The following SLC26A5 variants were observed in gnomAD, a reference collection of about 807,000 sequenced individuals.
SLC26A5 encodes prestin.
A neutral mutation model predicts 81.0 loss-of-function variants in SLC26A5; 51 were observed. The observed-to-expected ratio is 0.63, with a 90% confidence interval of 0.50 to 0.80. The LOEUF is 0.80. Ranked by LOEUF, SLC26A5 falls within the 30% of genes least tolerant of loss-of-function variation. The pLI is 0.00. For synonymous variants in SLC26A5, 325 were observed against 332.8 expected (o/e 0.98, Z 0.25); for missense variants, 771 against 905.8 (o/e 0.85, Z 1.91).
intron 9 of SLC26A5, among the ~76,000 whole-genome samples, chr7:103,397,410 G>A (rs571312447): frequency 2.9e-4 from 44 of 151,640 alleles, no homozygotes; most frequent in East Asian, 1.4e-3. Flanking sequence ...GCGTGGTGGC[G>A]GGTGCCTGTA....
At position 103,445,600 on chromosome 7, in the gene SLC26A5, G is replaced by T. The variant is rs536794023; in HGVS notation, c.-183+498C>A. 59 of 152,392 alleles carry T rather than the reference G, an allele frequency of 3.9e-4. 1 individual carries two copies. The highest frequency in any genetic ancestry group is 1.4e-3 in the African/African-American group (57 of 41,566). 9.4% of individuals were successfully genotyped at this position (152,392 alleles called of 1,614,324 possible). ...CGCTGAGCGGAGGGCCCAGTTTCGG[G>T]ACCACAGCCTTGCTCCCTGGGAGCT... On this transcript the variant is annotated intron_variant, in intron 1 of 19. Transcript: ENST00000306312.
intron 8 of SLC26A5, among the ~76,000 whole-genome samples, chr7:103,398,732 C>T (rs1366938270): frequency 1.3e-5 from 2 of 152,076 alleles, no homozygotes; most frequent in African/African-American, 2.4e-5. Flanking sequence ...GAGTGAGTTA[C>T]CCAACAGAGA....
intron 18 of SLC26A5, 97 bp downstream of exon 18, chr7:103,377,502 T>C: frequency 8.6e-7 from 1 of 1,158,238 alleles, no homozygotes; most frequent in Non-Finnish European, 1.3e-6. Flanking sequence ...GGATAAATCT[T>C]TTGTTGAAAA....
At chr7:103,414,793 G>T (rs539341405) in intron 4 of SLC26A5, among the ~76,000 whole-genome samples, 1 of 152,286 alleles carries the variant, frequency 6.6e-6, no homozygotes, top group Admixed American at 6.5e-5. Flanking sequence ...TTTCATGCAA[G>T]AATTAGGCAG....
intron 2 of SLC26A5, among the ~76,000 whole-genome samples, chr7:103,425,672 A>C (rs950496818): frequency 1.3e-5 from 2 of 152,322 alleles, no homozygotes; most frequent in South Asian, 2.1e-4. Context: ...AATTGCCATA[A>C]GATGCTTACT....
chr7:103,398,801 A>C (rs1406911481), intron 8 of SLC26A5, among the ~76,000 whole-genome samples: 1 of 152,202 alleles, frequency 6.6e-6, no homozygotes, highest in Non-Finnish European at 1.5e-5. Flanking sequence ...CCACTGCAGG[A>C]AACAAATAAT....
chr7:103,385,536 C>T (rs920367785), intron 14 of SLC26A5, among the ~76,000 whole-genome samples: 1 of 151,994 alleles, frequency 6.6e-6, no homozygotes, highest in African/African-American at 2.4e-5. Context: ...ACAGAAGAAG[C>T]CAGCTGAAAA....
chr7:103,428,154 C>T (rs770343576), intron 2 of SLC26A5, among the ~76,000 whole-genome samples: 8 of 151,970 alleles, frequency 5.3e-5, no homozygotes, highest in South Asian at 4.2e-4. Flanking sequence ...TGCCTGGCCC[C>T]GTCTAGAGAT....
Position 103,377,673 on chromosome 7 carries a change from T to C in SLC26A5, c.1912A>G (p.Asn638Asp). ...AAATCCAAAATGACAGTGTGGACGT[T>C]ATCCCCTGGGGGCATAAATCTTTGC... ...EMQRFMPPGD[N>D]VHTVILDFTQ... Residue 638 changes from asparagine to aspartate, a missense_variant, in exon 18 of 20, where the codon AAC becomes GAC. Physicochemically the swap from Asn to Asp is conservative, Grantham distance 23 (BLOSUM62 1). Transcript: ENST00000306312. The C allele has an allele frequency of 6.2e-7, 1 of 1,614,164 alleles. No individual in the cohort carries two copies. The highest frequency in any genetic ancestry group is 1.6e-4 in the Middle Eastern group (1 of 6,062).
At chr7:103,361,663 G>T (rs1820422437) in intron 19 of SLC26A5, among the ~76,000 whole-genome samples, 1 of 152,064 alleles carries the variant, frequency 6.6e-6, no homozygotes, top group Non-Finnish European at 1.5e-5. Flanking sequence ...ATATACAGGA[G>T]CATCACTAAT....
At chr7:103,427,727 A>G (rs957960875) in intron 2 of SLC26A5, among the ~76,000 whole-genome samples, 1 of 151,902 alleles carries the variant, frequency 6.6e-6, no homozygotes, top group Non-Finnish European at 1.5e-5. Flanking sequence ...TCTGTACCTT[A>G]AGTGTCTCAG....
At chr7:103,408,674 A>C (rs1001793414) in intron 7 of SLC26A5, among the ~76,000 whole-genome samples, 1 of 152,254 alleles carries the variant, frequency 6.6e-6, no homozygotes, top group East Asian at 1.9e-4. Context: ...AAAGGTAAAT[A>C]CATTGAAAAG....
chr7:103,443,196 A>C lies in SLC26A5; in HGVS notation c.-167T>G, dbSNP rs1284494696. ...TGAGGCTGAGAGCAGGAGAAGGGAG[A>C]GCTCGCTCCTTGGCCCTATGTATAG... is the stretch of plus-strand genomic sequence containing the variant. On this transcript the variant is annotated 5_prime_UTR_variant, in exon 2 of 20. Coordinates refer to ENST00000306312, the MANE Select transcript of SLC26A5 (RefSeq NM_198999.3). 1 of 152,168 alleles carries C rather than the reference A, an allele frequency of 6.6e-6. No homozygotes were observed. The highest frequency in any genetic ancestry group is 1.9e-4 in the East Asian group (1 of 5,192). The allele number at this position is 152,168 out of a possible 1,614,324, so 9.4% of individuals were successfully genotyped here. A position where few individuals can be genotyped will look rare whatever the true frequency, so the allele number is the denominator to read the frequency against.
intron 6 of SLC26A5, among the ~76,000 whole-genome samples, chr7:103,411,144 T>C (rs1010569036): frequency 2.8e-4 from 42 of 152,138 alleles, no homozygotes; most frequent in African/African-American, 9.4e-4. Context: ...GGCTGTTTCT[T>C]CCAAGCAGAG....
At chr7:103,392,278 T>C (rs983996059) in intron 10 of SLC26A5, among the ~76,000 whole-genome samples, 4 of 152,222 alleles carry the variant, frequency 2.6e-5, no homozygotes, top group Admixed American at 6.5e-5. Context: ...GTCAACATTA[T>C]AGGTCACAGT....
chr7:103,353,741 G>A (rs1354750326), intron 19 of SLC26A5, among the ~76,000 whole-genome samples: 1 of 152,164 alleles, frequency 6.6e-6, no homozygotes, highest in Non-Finnish European at 1.5e-5. Flanking sequence ...CTCCCAGTTA[G>A]ATAAAAATTC....
chr7:103,390,031 T>C (rs988222869), intron 12 of SLC26A5, among the ~76,000 whole-genome samples: 2 of 152,234 alleles, frequency 1.3e-5, no homozygotes, highest in African/African-American at 2.4e-5. Flanking sequence ...TTCTACATTA[T>C]GATCTTCTCT....
intron 7 of SLC26A5, among the ~76,000 whole-genome samples, chr7:103,409,310 C>G (rs1343382811): frequency 6.6e-6 from 1 of 152,236 alleles, no homozygotes. Context: ...ACAAAGGCAA[C>G]AGGCCTCTCT....
intron 2 of SLC26A5, among the ~76,000 whole-genome samples, chr7:103,438,160 G>C (rs1182384039): frequency 6.6e-6 from 1 of 151,942 alleles, no homozygotes; most frequent in Non-Finnish European, 1.5e-5. Flanking sequence ...AGAACCTGTG[G>C]ATACAAAGGG....
Sources: allele counts gnomAD v4.1 joint callset (sites outside exome capture counted in the v4.1 genomes callset), GRCh38; gene constraint gnomAD v4.1.1; transcripts MANE v1.5; gene names NCBI Gene and HGNC (gene_info 2026-07-23, HGNC 2026-07-21).